Variants in DISP1 observed in about 807,000 individuals in gnomAD.
The protein encoded by DISP1 is dispatched RND transporter family member 1.
A neutral mutation model predicts 37.3 loss-of-function variants in DISP1; 30 were observed. The observed-to-expected ratio is 0.80, with a 90% confidence interval of 0.60 to 1.09. The LOEUF (loss-of-function observed/expected upper bound fraction) is 1.09, where lower values mean the gene tolerates loss of function less well. Among genes scored for constraint, DISP1 ranks in the 50% least tolerant of loss-of-function variants. DISP1 has a pLI of 0.00. For missense variants in DISP1, 1,598 were observed against 1,879.5 expected, an observed-to-expected ratio of 0.85 and a Z score of 2.77; for synonymous variants, 634 against 690.2, an observed-to-expected ratio of 0.92 and a Z score of 1.28.
chr1:222,969,169 G>A (rs189207597), intron 3 of DISP1, among the ~76,000 whole-genome samples: 151 of 151,550 alleles, frequency 1.0e-3, no homozygotes, highest in South Asian at 5.9e-3. Flanking sequence ...TCAGGAGTTC[G>A]AGACCAGCCT....
chr1:222,967,557 AG>A (rs1676594883), intron 3 of DISP1, among the ~76,000 whole-genome samples: 1 of 152,200 alleles, frequency 6.6e-6, no homozygotes, highest in Non-Finnish European at 1.5e-5. Flanking sequence ...TGAAAGAGCC[AG>A]ATTTAAGGCC....
chr1:222,939,942 G>T (rs142116613), intron 2 of DISP1, among the ~76,000 whole-genome samples: 1 of 151,820 alleles, frequency 6.6e-6, no homozygotes, highest in Non-Finnish European at 1.5e-5. Context: ...TGGCTAACAC[G>T]GTGAGATCCC....
At chr1:222,955,594 G>A (rs1187629024) in intron 3 of DISP1, among the ~76,000 whole-genome samples, 1 of 152,148 alleles carries the variant, frequency 6.6e-6, no homozygotes. Context: ...TTCACTTTCA[G>A]TACCGTATTT....
chr1:222,957,145 TAAA>T lies in DISP1; in HGVS notation c.509+13834_509+13836del, dbSNP rs35888809. ...CTCTAAACTATTTTCTTTACTATTG[TAAA>T]AAAAAAAAAAAAAAAAAAAAGCATT... On this transcript the variant is annotated intron_variant, in intron 3 of 8. Transcript: ENST00000675850. Among the ~76,000 whole-genome samples, 233 of 103,224 alleles carry T rather than the reference TAAA, an allele frequency of 2.3e-3. 6 individuals carry two copies. The East Asian group carries it at 0.048, about 21-fold the overall frequency. The allele number at this position is 103,224 out of a possible 152,430, so 67.7% of individuals were successfully genotyped here.
chr1:222,879,248 G>A (rs908686871), intron 1 of DISP1, among the ~76,000 whole-genome samples: 6 of 152,130 alleles, frequency 3.9e-5, no homozygotes, highest in Admixed American at 3.9e-4. Flanking sequence ...TTAGCTCTGT[G>A]TGAAATATTT....
chr1:222,827,783 C>A (rs1451575128), intron 1 of DISP1, among the ~76,000 whole-genome samples: 1 of 152,058 alleles, frequency 6.6e-6, no homozygotes, highest in African/African-American at 2.4e-5. Context: ...TTGTGAAAAT[C>A]TAAACATATT....
intron 3 of DISP1, among the ~76,000 whole-genome samples, chr1:222,971,935 A>G (rs1483208785): frequency 6.6e-6 from 1 of 152,136 alleles, no homozygotes; most frequent in African/African-American, 2.4e-5. Flanking sequence ...GTAATAAAAT[A>G]TATTTGTTGA....
intron 3 of DISP1, among the ~76,000 whole-genome samples, chr1:222,951,149 A>G (rs1314888772): frequency 6.6e-6 from 1 of 152,214 alleles, no homozygotes; most frequent in East Asian, 1.9e-4. Flanking sequence ...CTTGGCGTAG[A>G]GGGAACCGTA....
chr1:222,863,972 A>G (rs1236170017), intron 1 of DISP1, among the ~76,000 whole-genome samples: 1 of 152,152 alleles, frequency 6.6e-6, no homozygotes. Flanking sequence ...TTAATGGAGA[A>G]TGGTATTTTA....
At chr1:222,895,664 C>A (rs1389868547) in intron 1 of DISP1, among the ~76,000 whole-genome samples, 1 of 152,128 alleles carries the variant, frequency 6.6e-6, no homozygotes, top group Non-Finnish European at 1.5e-5. Context: ...ACATACATGG[C>A]CGGCTGATTT....
At chr1:222,985,164 A>T (rs1264588428) in intron 4 of DISP1, among the ~76,000 whole-genome samples, 1 of 152,232 alleles carries the variant, frequency 6.6e-6, no homozygotes, top group Non-Finnish European at 1.5e-5. Context: ...TAAAAATTTT[A>T]CTTTGAAAAG....
intron 1 of DISP1, among the ~76,000 whole-genome samples, chr1:222,889,350 A>G (rs959800347): frequency 6.6e-6 from 1 of 152,002 alleles, no homozygotes; most frequent in East Asian, 1.9e-4. Flanking sequence ...CTGATTGAGG[A>G]TGGGTGATTC....
At chr1:222,942,541 G>A (rs528981236) in intron 2 of DISP1, among the ~76,000 whole-genome samples, 295 of 152,060 alleles carry the variant, frequency 1.9e-3, no homozygotes, top group African/African-American at 6.8e-3. Context: ...TGAGAAGAAG[G>A]GCACTGAAAG....
intron 1 of DISP1, among the ~76,000 whole-genome samples, chr1:222,894,060 C>T (rs1289192994): frequency 6.6e-6 from 1 of 152,106 alleles, no homozygotes; most frequent in African/African-American, 2.4e-5. Flanking sequence ...CCGGTAGTCC[C>T]CATGTCTGTG....
At chr1:222,901,097 G>A (rs1671553209) in intron 1 of DISP1, among the ~76,000 whole-genome samples, 1 of 152,086 alleles carries the variant, frequency 6.6e-6, no homozygotes, top group African/African-American at 2.4e-5. Context: ...AGAAACGGTG[G>A]GATTGCAGAA....
At chr1:222,873,619 T>C (rs2125350653) in intron 1 of DISP1, among the ~76,000 whole-genome samples, 1 of 152,318 alleles carries the variant, frequency 6.6e-6, no homozygotes, top group East Asian at 1.9e-4. Context: ...TTGTTTTCCA[T>C]TTGCTTGGTA....
intron 1 of DISP1, among the ~76,000 whole-genome samples, chr1:222,871,275 C>A (rs1243708957): frequency 6.6e-6 from 1 of 152,116 alleles, no homozygotes; most frequent in Non-Finnish European, 1.5e-5. Context: ...GCAATGTGGG[C>A]TCTTTTTTGG....
chr1:222,926,460 C>T (rs562260119), intron 1 of DISP1, among the ~76,000 whole-genome samples: 1 of 152,186 alleles, frequency 6.6e-6, no homozygotes, highest in African/African-American at 2.4e-5. Flanking sequence ...AGTTTTGTTC[C>T]TGAAGTCACT....
chr1:222,968,356 G>T (rs1052875378), intron 3 of DISP1, among the ~76,000 whole-genome samples: 2 of 151,904 alleles, frequency 1.3e-5, no homozygotes, highest in African/African-American at 2.4e-5. Context: ...TAACAAAATG[G>T]GCACCAGTTA....
Sources: allele counts gnomAD v4.1 joint callset (sites outside exome capture counted in the v4.1 genomes callset), GRCh38; gene constraint gnomAD v4.1.1; transcripts MANE v1.5; gene names NCBI Gene and HGNC (gene_info 2026-07-23, HGNC 2026-07-21).